SEMA3C: variants seen among roughly 807,000 people sequenced by gnomAD.
SEMA3C encodes the protein semaphorin 3C.
A neutral mutation model predicts 89.4 loss-of-function variants in SEMA3C; 47 were observed. The ratio of observed to expected loss-of-function variants is 0.53; its 90% CI spans 0.42 to 0.67. The LOEUF (loss-of-function observed/expected upper bound fraction) is 0.67. Among genes scored for constraint, SEMA3C ranks in the 30% least tolerant of loss-of-function variants. The pLI is 0.00. For synonymous variants in SEMA3C, 310 were observed against 320.2 expected (o/e 0.97, Z 0.34); for missense variants, 839 against 929.1 (o/e 0.90, Z 1.26).
chr7:80,805,742 A>G lies in SEMA3C; in HGVS notation c.555T>C (p.Ser185=), dbSNP rs1256994736. 4.4e-6 allele frequency: 7 copies of G among 1,596,804 alleles called. No individual in the cohort carries two copies. In the Admixed American group the frequency reaches 8.7e-5, roughly 20 times the overall value. ...VSVMINEELF[S]GMYIDFMGTD... is the part of the protein sequence containing the mutation. ...TCCCCATGAAATCTATATACATTCC[A>G]GAGAAAAGCTCCTCATCTATGAAAA... is the stretch of plus-strand genomic sequence containing the variant. The change falls in exon 7 of 18, where the codon TCT becomes TCC. Residue 185 remains serine, a synonymous_variant. Coordinates refer to ENST00000265361, the MANE Select transcript of SEMA3C (RefSeq NM_006379.5).
chr7:80,747,729 C>A (rs902788297), intron 17 of SEMA3C, among the ~76,000 whole-genome samples: 2 of 152,112 alleles, frequency 1.3e-5, no homozygotes, highest in African/African-American at 4.8e-5. Context: ...TTATTAAAAT[C>A]TTTCTAAAAG....
At chr7:80,915,786 A>C (rs989739053) in intron 2 of SEMA3C, 7 of 151,906 alleles carry the variant, frequency 4.6e-5, no homozygotes, top group African/African-American at 1.7e-4. Context: ...TTTCAGAGAC[A>C]CTCTGCTATA....
chr7:80,846,267 G>T lies in SEMA3C; in HGVS notation c.104-17522C>A, dbSNP rs976053051. Among the ~76,000 whole-genome samples, 10 of 152,188 alleles carry T rather than the reference G, an allele frequency of 6.6e-5. No homozygotes were observed. In the East Asian group the frequency reaches 1.2e-3, roughly 18 times the overall value. On this transcript the variant is annotated intron_variant, in intron 2 of 17. Transcript: ENST00000265361. Reference sequence around the variant, plus strand: ...CACCTACAATAGAGCTATCTGTATTGTTTGGAAAACATCATGCTATGTCAT... The same window carrying T: ...CACCTACAATAGAGCTATCTGTATTTTTTGGAAAACATCATGCTATGTCAT...
chr7:80,830,690 T>C (rs958121773), intron 2 of SEMA3C, among the ~76,000 whole-genome samples: 8 of 152,068 alleles, frequency 5.3e-5, no homozygotes, highest in African/African-American at 1.9e-4. Context: ...GAAAGGTCTT[T>C]GGAAACAGGG....
At chr7:80,916,876 A>T in intron 1 of SEMA3C, 57 bp from the exon 2 acceptor site, 2 of 1,462,872 alleles carry the variant, frequency 1.4e-6, no homozygotes, top group South Asian at 1.2e-5. Flanking sequence ...AGGAGTAGGA[A>T]AAAACAGCAA....
At chr7:80,787,390 TAAAAAAAAAAAAAAA>T (rs1179102219) in intron 12 of SEMA3C, among the ~76,000 whole-genome samples, 1 of 99,872 alleles carries the variant, frequency 1.0e-5, no homozygotes, top group Non-Finnish European at 1.9e-5. Flanking sequence ...AGACTCCGTT[TAAAAAAAAAAAAAAA>T]AAAAAAAAAA....
At chr7:80,833,914 G>T (rs553036307) in intron 2 of SEMA3C, among the ~76,000 whole-genome samples, 1 of 152,214 alleles carries the variant, frequency 6.6e-6, no homozygotes, top group East Asian at 1.9e-4. Context: ...CACGGTTATA[G>T]AAAGTGACTG....
intron 2 of SEMA3C, among the ~76,000 whole-genome samples, chr7:80,834,945 TA>T (rs1196669359): frequency 1.3e-5 from 2 of 152,212 alleles, no homozygotes; most frequent in African/African-American, 2.4e-5. Context: ...TGTTATTTTT[TA>T]TTTTTTTCTG....
chr7:80,755,565 A>ATATCCC (rs199841424), intron 15 of SEMA3C, among the ~76,000 whole-genome samples: 2,361 of 151,798 alleles, frequency 0.016, 34 homozygotes, highest in Non-Finnish European at 0.026. Flanking sequence ...TATAGTCCCT[A>ATATCCC]TATCCCTTTC....
chr7:80,828,702 G>C lies in SEMA3C; in HGVS notation c.147C>G (p.His49Gln). The C allele has an allele frequency of 6.2e-7, 1 of 1,611,306 alleles. No individual in the cohort carries two copies. The highest frequency in any genetic ancestry group is 1.1e-5 in the South Asian group (1 of 90,792). ...TKTSEYFSLS[H>Q]HPLDYRILLM... ...ATAAAATCCTGTAGTCTAAAGGATG[G>C]TGGGAAAGGCTGAAGTATTCAGAGG... Residue 49 changes from histidine (H) to glutamine (Q), a missense_variant, in exon 3 of 18, where the codon CAC becomes CAG. His to Gln is a conservative substitution (Grantham distance 24). Transcript: ENST00000265361.
At chr7:80,891,415 A>G (rs1258680178) in intron 2 of SEMA3C, among the ~76,000 whole-genome samples, 1 of 152,076 alleles carries the variant, frequency 6.6e-6, no homozygotes, top group Non-Finnish European at 1.5e-5. Flanking sequence ...GCCTAGAGGA[A>G]GAGCTTATCT....
chr7:80,766,148 CA>C (rs1198582326), intron 12 of SEMA3C, among the ~76,000 whole-genome samples: 1 of 152,176 alleles, frequency 6.6e-6, no homozygotes, highest in East Asian at 1.9e-4. Flanking sequence ...GATTTTATTT[CA>C]GGTGTGGACA....
At position 80,919,007 on chromosome 7, in the gene SEMA3C, CA is replaced by C; in HGVS notation, c.-219del. 1.0e-6 allele frequency: 1 copy of C among 985,374 alleles called. No individual in the cohort carries two copies. The highest frequency in any genetic ancestry group is 4.7e-5 in the South Asian group (1 of 21,294). The allele number at this position is 985,374 out of a possible 1,614,324, so 61.0% of individuals were successfully genotyped here. On this transcript the variant is annotated 5_prime_UTR_variant, in exon 1 of 18. Transcript: ENST00000265361. Reference sequence around the variant, plus strand: ...GAATCTCAGCGCTGCAGTGCCGCGGCACCCGGAGCTCTTCTCCGCGTCGCTC... The same window carrying C: ...GAATCTCAGCGCTGCAGTGCCGCGGCCCCGGAGCTCTTCTCCGCGTCGCTC...
At chr7:80,808,405 T>C (rs969483598) in intron 6 of SEMA3C, among the ~76,000 whole-genome samples, 11 of 152,218 alleles carry the variant, frequency 7.2e-5, no homozygotes, top group Non-Finnish European at 1.3e-4. Flanking sequence ...ACACTGCTTC[T>C]ATTAAATATT....
At chr7:80,797,516 T>G (rs1789092612) in intron 11 of SEMA3C, among the ~76,000 whole-genome samples, 1 of 152,244 alleles carries the variant, frequency 6.6e-6, no homozygotes, top group East Asian at 1.9e-4. Flanking sequence ...TTCTAATCTG[T>G]GTTACTTCAG....
At chr7:80,901,858 T>C (rs1791888581) in intron 2 of SEMA3C, among the ~76,000 whole-genome samples, 1 of 152,260 alleles carries the variant, frequency 6.6e-6, no homozygotes, top group Non-Finnish European at 1.5e-5. Flanking sequence ...TTTCCTTTTT[T>C]TCTATAATGA....
At chr7:80,903,940 G>C (rs1286290564) in intron 2 of SEMA3C, among the ~76,000 whole-genome samples, 1 of 152,056 alleles carries the variant, frequency 6.6e-6, no homozygotes, top group Non-Finnish European at 1.5e-5. Flanking sequence ...TCATCTTTTA[G>C]AAAGTCTATT....
chr7:80,884,292 G>A (rs3944108), intron 2 of SEMA3C, among the ~76,000 whole-genome samples: 83,609 of 151,884 alleles, frequency 0.55, 25,272 homozygotes, highest in South Asian at 0.7. Context: ...ATTGAGATTA[G>A]TCCAAAATCA....
intron 2 of SEMA3C, among the ~76,000 whole-genome samples, chr7:80,907,037 A>G (rs1386327776): frequency 6.6e-6 from 1 of 152,190 alleles, no homozygotes; most frequent in Non-Finnish European, 1.5e-5. Flanking sequence ...ATACAGCTGC[A>G]TAGTTCATAT....
Sources: allele counts gnomAD v4.1 joint callset (sites outside exome capture counted in the v4.1 genomes callset), GRCh38; gene constraint gnomAD v4.1.1; transcripts MANE v1.5; gene names NCBI Gene and HGNC (gene_info 2026-07-23, HGNC 2026-07-21).